BTAF1: variants seen among roughly 807,000 people sequenced by gnomAD.
The protein encoded by BTAF1 is TATA-binding protein-associated factor 172.
In BTAF1, 38 loss-of-function variants were observed where a neutral mutation model predicts 227.1. The ratio of observed to expected loss-of-function variants is 0.17; its 90% confidence interval spans 0.13 to 0.22. The LOEUF (loss-of-function observed/expected upper bound fraction) is 0.22, where lower values mean the gene tolerates loss of function less well. Among genes scored for constraint, BTAF1 ranks in the 10% least tolerant of loss-of-function variants. The probability of loss-of-function intolerance (pLI) is 1.00; values close to 1 mark genes in which losing one functional copy is unlikely to be tolerated. For missense variants in BTAF1, 1,598 were observed against 2,204.0 expected (o/e 0.73, Z 5.51); for synonymous variants, 742 against 751.9 (o/e 0.99, Z 0.21).
chr10:92,025,412 C>T (rs1481170169), intron 35 of BTAF1, among the ~76,000 whole-genome samples: 10 of 151,324 alleles, frequency 6.6e-5, no homozygotes, highest in Admixed American at 6.6e-4. Flanking sequence ...GCAGCCTCTA[C>T]TTTTAAAATC....
At chr10:91,927,375 C>T (rs567945078) in intron 1 of BTAF1, among the ~76,000 whole-genome samples, 5 of 152,224 alleles carry the variant, frequency 3.3e-5, no homozygotes, top group Admixed American at 1.3e-4. Context: ...TGACTTCAGG[C>T]GATCCACCTG....
chr10:92,001,971 T>C (rs1174225592), intron 25 of BTAF1, among the ~76,000 whole-genome samples: 2 of 27,424 alleles, frequency 7.3e-5, no homozygotes, highest in Non-Finnish European at 2.3e-4. Flanking sequence ...AAAAAAACCA[T>C]ATATATATAT....
intron 2 of BTAF1, among the ~76,000 whole-genome samples, chr10:91,936,089 G>C (rs1260518736): frequency 5.9e-5 from 9 of 152,012 alleles, no homozygotes; most frequent in Non-Finnish European, 1.5e-5. Flanking sequence ...TATCATAGTT[G>C]GTAGTCTTCA....
chr10:91,997,958 C>CA (rs906347640), intron 25 of BTAF1, among the ~76,000 whole-genome samples: 126 of 150,790 alleles, frequency 8.4e-4, no homozygotes, highest in African/African-American at 2.8e-3. Context: ...AAAAAAAATA[C>CA]AAAAAAAAGA....
At chr10:91,953,978 G>T in intron 6 of BTAF1, 105 bp downstream of exon 6, 2 of 1,457,086 alleles carry the variant, frequency 1.4e-6, no homozygotes, top group Non-Finnish European at 9.3e-7. Context: ...TTTAGCTGGG[G>T]AGTACTGTTT....
intron 14 of BTAF1, among the ~76,000 whole-genome samples, chr10:91,970,945 G>T (rs141003358): frequency 3.3e-5 from 5 of 152,136 alleles, no homozygotes; most frequent in African/African-American, 1.2e-4. Context: ...TTTCACAGAC[G>T]TTTTACTGAA....
At chr10:91,985,391 T>G (rs924423089) in intron 19 of BTAF1, among the ~76,000 whole-genome samples, 14 of 152,194 alleles carry the variant, frequency 9.2e-5, no homozygotes, top group Non-Finnish European at 1.8e-4. Context: ...TTCTCCCGTT[T>G]ATGGACACTT....
rs535171002 is a variant in BTAF1, at chr10:92,028,464, T to A, written c.5407-326T>A. ...TAAAAGGACATGATGTCTACAACTT[T>A]CTTTCAAATTGTTCAGAGAAAAAAC... On this transcript the variant is annotated intron_variant, in intron 37 of 37. Transcript: ENST00000265990. Among the ~76,000 whole-genome samples the A allele has an allele frequency of 8.5e-5, 13 of 152,314 alleles. No individual in the cohort carries two copies. In the South Asian group the frequency reaches 1.7e-3, roughly 19 times the overall value.
At chr10:91,930,605 T>A (rs753717112) in intron 1 of BTAF1, among the ~76,000 whole-genome samples, 1 of 152,192 alleles carries the variant, frequency 6.6e-6, no homozygotes, top group Non-Finnish European at 1.5e-5. Flanking sequence ...CAACATGACC[T>A]AGAAAGTATA....
chr10:91,992,796 G>A (rs954088219), intron 21 of BTAF1, among the ~76,000 whole-genome samples: 1 of 152,130 alleles, frequency 6.6e-6, no homozygotes, highest in African/African-American at 2.4e-5. Context: ...GGCTTCATAT[G>A]TGTGAGGGTC....
At chr10:92,025,759 T>C (rs535609828) in intron 35 of BTAF1, among the ~76,000 whole-genome samples, 4 of 146,934 alleles carry the variant, frequency 2.7e-5, no homozygotes, top group Non-Finnish European at 5.9e-5. Flanking sequence ...TGAGCAGAGA[T>C]TGGATTGGGC....
intron 25 of BTAF1, among the ~76,000 whole-genome samples, chr10:92,000,370 T>C (rs1394498349): frequency 6.6e-6 from 1 of 152,238 alleles, no homozygotes; most frequent in Non-Finnish European, 1.5e-5. Context: ...CCGCAGTTTT[T>C]GTTTGTTTTT....
At chr10:91,970,962 A>G (rs994505251) in intron 14 of BTAF1, among the ~76,000 whole-genome samples, 5 of 152,220 alleles carry the variant, frequency 3.3e-5, no homozygotes, top group Admixed American at 6.5e-5. Context: ...TGAATATGTC[A>G]ATTTCAAGTT....
intron 4 of BTAF1, 116 bp downstream of exon 4, chr10:91,942,684 C>G (rs1589764272): frequency 1.6e-6 from 2 of 1,239,206 alleles, no homozygotes; most frequent in Non-Finnish European, 2.2e-6. Context: ...TGTAAATTAA[C>G]TGAAGTTTGC....
intron 1 of BTAF1, among the ~76,000 whole-genome samples, chr10:91,924,456 G>A (rs1170976286): frequency 6.6e-6 from 1 of 152,080 alleles, no homozygotes; most frequent in East Asian, 1.9e-4. Context: ...GGAAAACTTG[G>A]TAGTTACTGT....
intron 1 of BTAF1, among the ~76,000 whole-genome samples, chr10:91,932,373 C>T (rs1417109055): frequency 6.6e-6 from 1 of 151,760 alleles, no homozygotes; most frequent in Non-Finnish European, 1.5e-5. Flanking sequence ...AAACTGCTGT[C>T]ACAGATTAAG....
At chr10:91,925,357 A>G (rs1174958981) in intron 1 of BTAF1, among the ~76,000 whole-genome samples, 2 of 152,214 alleles carry the variant, frequency 1.3e-5, no homozygotes, top group African/African-American at 4.8e-5. Context: ...ATGCATTGAT[A>G]TGTAAACTTA....
In BTAF1 at chr10:91,953,881, T is replaced by C. The variant is rs1391985418; in HGVS notation, c.701+8T>C. ...GGAAACTAATGAGAAGAGGTAGTAATCTTTTTTTGCCTATTCACTTAAAAC... is the reference window on the plus strand; with the variant it reads ...GGAAACTAATGAGAAGAGGTAGTAACCTTTTTTTGCCTATTCACTTAAAAC... On this transcript the variant is annotated splice_region_variant and intron_variant, in intron 6 of 37. Coordinates refer to ENST00000265990, the MANE Select transcript of BTAF1 (RefSeq NM_003972.3). 1.9e-6 allele frequency: 3 copies of C among 1,613,072 alleles called. No homozygotes were observed. Among genetic ancestry groups the C allele is most frequent in the Non-Finnish European group, 2.5e-6 (3 of 1,179,616 alleles).
At position 91,937,962 on chromosome 10, in the gene BTAF1, T is replaced by A. The variant is rs141433266; in HGVS notation, c.139-1990T>A. Among the ~76,000 whole-genome samples, 33 of 152,346 alleles carry A rather than the reference T, an allele frequency of 2.2e-4. No individual in the cohort carries two copies. The East Asian group carries it at 2.5e-3, about 12-fold the overall frequency. On this transcript the variant is annotated intron_variant, in intron 2 of 37. Transcript: ENST00000265990. The stretch of plus-strand genomic sequence containing the variant: ...TCTTGACTGACTTTGATTATAGCCA[T>A]CCTGCTGGATATGAAGGGGTTTGAT...
Sources: gnomAD v4.1 joint callset for allele counts (sites outside exome capture counted in the v4.1 genomes callset) on GRCh38, gnomAD v4.1.1 for gene constraint, MANE v1.5 for transcripts, NCBI Gene and HGNC (gene_info 2026-07-23, HGNC 2026-07-21) for gene names.